The following CALD1 variants were observed in gnomAD, a reference collection of about 807,000 sequenced individuals.
CALD1 encodes the protein caldesmon 1.
CALD1 carries 33 observed loss-of-function variants against 99.9 expected under a neutral mutation model. The observed-to-expected ratio is 0.33, with a 90% CI of 0.25 to 0.44. The LOEUF is 0.44. Among genes scored for constraint, CALD1 ranks in the 20% least tolerant of loss-of-function variants. The pLI, the probability that CALD1 is intolerant of heterozygous loss-of-function variation, is 1.00. For synonymous variants in CALD1, 310 were observed against 325.0 expected (o/e 0.95, Z 0.50); for missense variants, 861 against 962.1 (o/e 0.89, Z 1.39).
chr7:134,968,652 C>G lies in CALD1; in HGVS notation c.*307C>G. On this transcript the variant is annotated 3_prime_UTR_variant, in exon 15 of 15. Coordinates refer to ENST00000361675, the MANE Select transcript of CALD1 (RefSeq NM_033138.4). The stretch of plus-strand genomic sequence containing the variant: ...CAGTGATACCAACCACATCTGAAGT[C>G]AACAGAAGATCCAAGTTTAAAATTG... 1.7e-6 allele frequency: 1 copy of G among 591,156 alleles called. No homozygotes were observed. Among genetic ancestry groups the G allele is most frequent in the South Asian group, 1.6e-5 (1 of 62,104 alleles). The allele number at this position is 591,156 out of a possible 1,614,324, so 36.6% of individuals were successfully genotyped here.
Position 134,960,360 on chromosome 7 carries a change from G to C in CALD1, c.2200-173G>C. On this transcript the variant is annotated intron_variant, in intron 12 of 14. Coordinates refer to ENST00000361675, the MANE Select transcript of CALD1 (RefSeq NM_033138.4). ...AAATGTCCACCCTTGGAGTTGGAGTGGGGTGAGTTACCAGGGAAAGAAAAC... is the reference window on the plus strand; with the variant it reads ...AAATGTCCACCCTTGGAGTTGGAGTCGGGTGAGTTACCAGGGAAAGAAAAC... 4.6e-6 allele frequency: 3 copies of C among 646,808 alleles called. No individual in the cohort carries two copies. In the South Asian group the frequency reaches 5.9e-5, roughly 13 times the overall value. 40.1% of individuals were successfully genotyped at this position (646,808 alleles called of 1,614,324 possible). A position where few individuals can be genotyped will look rare whatever the true frequency, so the allele number is the denominator to read the frequency against.
chr7:134,755,251 TC>T (rs1443003673), intron 1 of CALD1, among the ~76,000 whole-genome samples: 1 of 152,224 alleles, frequency 6.6e-6, no homozygotes, highest in Non-Finnish European at 1.5e-5. Context: ...TCTGCCTGCC[TC>T]AGCCTCCCAA....
intron 3 of CALD1, among the ~76,000 whole-genome samples, chr7:134,876,326 A>G (rs568239277): frequency 1.2e-4 from 19 of 152,348 alleles, no homozygotes; most frequent in African/African-American, 4.3e-4. Context: ...AGCTGTTTGC[A>G]TAGTGTGGGC....
At chr7:134,859,941 C>T in intron 2 of CALD1, among the ~76,000 whole-genome samples, 1 of 152,056 alleles carries the variant, frequency 6.6e-6, no homozygotes, top group East Asian at 1.9e-4. Flanking sequence ...GTTAAATCTG[C>T]CAGGTCTTCT....
chr7:134,743,658 G>C (rs1796609737), upstream of CALD1, among the ~76,000 whole-genome samples: 1 of 152,194 alleles, frequency 6.6e-6, no homozygotes, highest in South Asian at 2.1e-4. Flanking sequence ...GATACTATTA[G>C]CTTGGAATCA....
At chr7:134,844,300 T>C (rs1799766039) in intron 2 of CALD1, 1 of 152,184 alleles carries the variant, frequency 6.6e-6, no homozygotes, top group Non-Finnish European at 1.5e-5. Flanking sequence ...TGCTAGTGAC[T>C]TGAATCAATA....
intron 7 of CALD1, 106 bp from the exon 8 acceptor site, chr7:134,947,402 T>C: frequency 8.7e-7 from 1 of 1,147,446 alleles, no homozygotes; most frequent in South Asian, 1.5e-5. Flanking sequence ...TGAGAGGCAG[T>C]GGGTATTTAG....
At chr7:134,807,558 T>G (rs1166794219) in intron 1 of CALD1, among the ~76,000 whole-genome samples, 1 of 152,056 alleles carries the variant, frequency 6.6e-6, no homozygotes, top group African/African-American at 2.4e-5. Context: ...TTCATTCCAG[T>G]GAATAACCCT....
chr7:134,747,749 C>G (rs927631037), intron 1 of CALD1, among the ~76,000 whole-genome samples: 2 of 152,236 alleles, frequency 1.3e-5, no homozygotes, highest in African/African-American at 4.8e-5. Flanking sequence ...GCATGGCTGC[C>G]TCTACCTGGA....
At chr7:134,952,643 G>C (rs1187886729) in intron 9 of CALD1, among the ~76,000 whole-genome samples, 1 of 151,856 alleles carries the variant, frequency 6.6e-6, no homozygotes, top group Non-Finnish European at 1.5e-5. Flanking sequence ...GCTAATTTTT[G>C]TATTTTTAGT....
At chr7:134,781,109 C>A (rs1209672297) in intron 1 of CALD1, among the ~76,000 whole-genome samples, 1 of 152,316 alleles carries the variant, frequency 6.6e-6, no homozygotes, top group South Asian at 2.1e-4. Context: ...TTCCCTGGAA[C>A]AGTTCTGAGT....
intron 1 of CALD1, among the ~76,000 whole-genome samples, chr7:134,823,418 C>G (rs1276515608): frequency 6.6e-6 from 1 of 152,112 alleles, no homozygotes; most frequent in African/African-American, 2.4e-5. Flanking sequence ...ATAGCTTCAG[C>G]AATAGATAAA....
chr7:134,940,251 A>T (rs905222172), intron 6 of CALD1, among the ~76,000 whole-genome samples: 1 of 152,196 alleles, frequency 6.6e-6, no homozygotes, highest in Non-Finnish European at 1.5e-5. Flanking sequence ...CCTCCCCCAC[A>T]AAAAGCTATG....
chr7:134,740,682 C>T (rs10954466), upstream of CALD1, among the ~76,000 whole-genome samples: 88,950 of 151,988 alleles, frequency 0.59, 26,780 homozygotes, highest in East Asian at 0.86. Flanking sequence ...CTAGAGACTA[C>T]GCAGAGGAGG....
chr7:134,886,682 G>C (rs1801866630), intron 3 of CALD1, among the ~76,000 whole-genome samples: 2 of 152,188 alleles, frequency 1.3e-5, no homozygotes, highest in South Asian at 4.1e-4. Flanking sequence ...GGCCCTCCTA[G>C]AGATAAGTAG....
chr7:134,888,095 AC>A lies in CALD1; in HGVS notation c.71+20294del, dbSNP rs1388769321. ...AATCATATTTTCTTAATAAAGGACCACCCTGTGGTGGGAGCTGTTCCTTTCT... is the reference window on the plus strand; with the variant it reads ...AATCATATTTTCTTAATAAAGGACCACCTGTGGTGGGAGCTGTTCCTTTCT... On this transcript the variant is annotated intron_variant, in intron 3 of 14. Coordinates refer to ENST00000361675, the MANE Select transcript of CALD1 (RefSeq NM_033138.4). Among the ~76,000 whole-genome samples, 4 of 152,174 alleles carry A rather than the reference AC, an allele frequency of 2.6e-5. No homozygotes were observed. In the East Asian group the frequency reaches 7.7e-4, roughly 29 times the overall value.
chr7:134,882,947 T>C (rs1801676036), intron 3 of CALD1, among the ~76,000 whole-genome samples: 1 of 152,200 alleles, frequency 6.6e-6, no homozygotes, highest in Admixed American at 6.5e-5. Flanking sequence ...TTTTTATAAA[T>C]GGTTTATGCT....
intron 4 of CALD1, among the ~76,000 whole-genome samples, chr7:134,930,179 G>A (rs1441780740): frequency 6.6e-6 from 1 of 151,828 alleles, no homozygotes; most frequent in Non-Finnish European, 1.5e-5. Flanking sequence ...TTCTCACTCG[G>A]GCCCTGGTTG....
rs1211236049 is a variant in CALD1, at chr7:134,933,658, G to A, written c.889G>A (p.Ala297Thr). ...AGCAGATGAACGAGCAAGAATTGAA[G>A]CAGAAGAAAAAGCAGCTGCCCAAGA... The part of the protein sequence containing the change: ...KIADERARIE[A>T]EEKAAAQERE... Residue 297 changes from alanine to threonine, a missense_variant, in exon 5 of 15, where the codon GCA (alanine) becomes ACA (threonine). Ala to Thr is a moderately conservative substitution (Grantham distance 58). Transcript: ENST00000361675. 1 of 1,603,114 alleles carries A rather than the reference G, an allele frequency of 6.2e-7. No individual in the cohort carries two copies. Among genetic ancestry groups the A allele is most frequent in the Non-Finnish European group, 8.5e-7 (1 of 1,174,222 alleles).
Sources: allele counts gnomAD v4.1 joint callset (sites outside exome capture counted in the v4.1 genomes callset), GRCh38; gene constraint gnomAD v4.1.1; transcripts MANE v1.5; gene names NCBI Gene and HGNC (gene_info 2026-07-23, HGNC 2026-07-21).